ZFP28: variants seen among roughly 807,000 people sequenced by gnomAD.
ZFP28 encodes zinc finger protein 28 homolog.
In ZFP28, 31 loss-of-function variants were observed where a neutral mutation model predicts 39.5. The observed-to-expected ratio is 0.79, with a 90% CI of 0.59 to 1.06. The LOEUF (loss-of-function observed/expected upper bound fraction) is 1.06, where lower values mean the gene tolerates loss of function less well. ZFP28 is among the 50% of genes least tolerant of loss of function. ZFP28 has a pLI of 0.00. For missense variants in ZFP28, 925 were observed against 1,048.4 expected (o/e 0.88, Z 1.63); for synonymous variants, 400 against 378.6 (o/e 1.06, Z -0.66).
chr19:56,555,570 A>G lies in ZFP28; in HGVS notation c.*178A>G. ...ATTGGTTAATGTGTGAGATGTGCTC[A>G]GCACAGTGCCTGGTCCATAGTAAGT... On this transcript the variant is annotated 3_prime_UTR_variant, in exon 8 of 8. Coordinates refer to ENST00000301318, the MANE Select transcript of ZFP28 (RefSeq NM_020828.2). The G allele has an allele frequency of 1.2e-6, 1 of 858,118 alleles. No individual in the cohort carries two copies. The highest frequency in any genetic ancestry group is 1.7e-6 in the Non-Finnish European group (1 of 573,914). 53.2% of individuals were successfully genotyped at this position (858,118 alleles called of 1,614,324 possible).
intron 7 of ZFP28, chr19:56,551,229 G>A: frequency 7.1e-6 from 7 of 986,894 alleles, no homozygotes; most frequent in Non-Finnish European, 8.4e-6. Context: ...GAAGGTGGAA[G>A]TAAAGGATCT....
chr19:56,543,357 A>C (rs965389799), intron 2 of ZFP28, among the ~76,000 whole-genome samples: 1 of 144,362 alleles, frequency 6.9e-6, no homozygotes, highest in African/African-American at 2.6e-5. Context: ...TGTATATTTT[A>C]TATATATATT....
At position 56,549,026 on chromosome 19, in the gene ZFP28, C is replaced by T. The variant is rs888735121; in HGVS notation, c.592C>T (p.Gln198Ter). The T allele has an allele frequency of 6.2e-7, 1 of 1,614,082 alleles. No homozygotes were observed. Among genetic ancestry groups the T allele is most frequent in the Non-Finnish European group, 8.5e-7 (1 of 1,180,020 alleles). ...GGACTTCTGCGAAGGAAAGCTATCC[C>T]AGGCAGTGATAACAGAGAGACTCAC... The part of the protein sequence containing the change: ...KKDFCEGKLS[Q>*]AVITERLTSY... Residue 198 changes from glutamine to a stop codon, truncating the protein, a stop_gained, in exon 5 of 8, where the codon CAG becomes TAG. Transcript: ENST00000301318. LOFTEE classifies it high-confidence loss of function.
intron 4 of ZFP28, among the ~76,000 whole-genome samples, chr19:56,548,708 C>G (rs2044265523): frequency 6.6e-6 from 1 of 152,082 alleles, no homozygotes; most frequent in South Asian, 2.1e-4. Flanking sequence ...AACTCTTATT[C>G]AACTTTTAGG....
chr19:56,549,334 A>G (rs191564401), intron 5 of ZFP28, among the ~76,000 whole-genome samples: 41 of 152,368 alleles, frequency 2.7e-4, no homozygotes, highest in Admixed American at 9.1e-4. Context: ...ATGAATTACA[A>G]ACAAATCTGT....
intron 7 of ZFP28, chr19:56,551,298 G>A (rs996137961): frequency 7.8e-5 from 77 of 986,760 alleles, no homozygotes; most frequent in Non-Finnish European, 8.9e-5. Flanking sequence ...ATGGTTTGTA[G>A]AAAATGTAAT....
intron 2 of ZFP28, among the ~76,000 whole-genome samples, chr19:56,544,905 T>C (rs143087505): frequency 2.6e-4 from 39 of 152,300 alleles, no homozygotes; most frequent in African/African-American, 9.4e-4. Flanking sequence ...TAACGTTGGG[T>C]CCCTCTACGT....
rs1461985421 is a variant in ZFP28, at chr19:56,539,107, G to T, written c.89G>T (p.Gly30Val). Residue 30 changes from glycine to valine, a missense_variant, in exon 1 of 8, where the codon GGC (glycine) becomes GTC (valine). Coordinates refer to ENST00000301318, the MANE Select transcript of ZFP28 (RefSeq NM_020828.2). ...CGCACAAAGCCCCGGGCGGGCCGAGGCCCGACTGTAGGGACTCCAGCCACC... is the reference window on the plus strand; with the variant it reads ...CGCACAAAGCCCCGGGCGGGCCGAGTCCCGACTGTAGGGACTCCAGCCACC... ...APRTKPRAGR[G>V]PTVGTPATLA... 6.4e-7 allele frequency: 1 copy of T among 1,560,222 alleles called. No individual in the cohort carries two copies.
At chr19:56,553,553 G>C (rs896494400) in intron 7 of ZFP28, 131 bp from the exon 8 acceptor site, 1 of 1,245,156 alleles carries the variant, frequency 8.0e-7, no homozygotes, top group African/African-American at 1.5e-5. Context: ...AAATGTAATA[G>C]TTTTTAGAGC....
At chr19:56,539,495 C>A in intron 1 of ZFP28, 130 bp from the exon 2 acceptor site, 1 of 812,378 alleles carries the variant, frequency 1.2e-6, no homozygotes. Flanking sequence ...AAACCTATCT[C>A]CACGTTGTGG....
chr19:56,552,680 T>C (rs2044315091), intron 7 of ZFP28: 1 of 152,218 alleles, frequency 6.6e-6, no homozygotes, highest in African/African-American at 2.4e-5. Context: ...TCTTCATTTA[T>C]AGAAGCACGT....
intron 5 of ZFP28, among the ~76,000 whole-genome samples, chr19:56,549,785 G>A (rs1432202273): frequency 6.6e-6 from 1 of 152,164 alleles, no homozygotes; most frequent in Non-Finnish European, 1.5e-5. Flanking sequence ...ATATGGGAAA[G>A]CCTTCCGTCT....
In ZFP28 at chr19:56,554,632, C is replaced by T. The variant is rs2044334798; in HGVS notation, c.1847C>T (p.Pro616Leu). 6.2e-7 allele frequency: 1 copy of T among 1,613,226 alleles called. No homozygotes were observed. The highest frequency in any genetic ancestry group is 1.7e-5 in the Admixed American group (1 of 59,982). ...SHLRIHTGEK[P>L]FECAECGKSF... Reference sequence around the variant, plus strand: ...TTAAGGATTCATACTGGGGAGAAGCCTTTTGAATGTGCGGAGTGTGGAAAA... The same window carrying T: ...TTAAGGATTCATACTGGGGAGAAGCTTTTTGAATGTGCGGAGTGTGGAAAA... Residue 616 changes from proline to leucine, a missense_variant, in exon 8 of 8, where the codon CCT (proline) becomes CTT (leucine). Physicochemically the swap from Pro to Leu is moderately conservative, Grantham distance 98. Transcript: ENST00000301318. The surrounding 1 kb of genome is among the most constrained non-coding windows in gnomAD (Gnocchi z 6.7).
In ZFP28 at chr19:56,550,615, G is replaced by C. The variant is rs775717071; in HGVS notation, c.898+10G>C. ...GGAAGCCTGTTCTCAGGTGAGTGCA[G>C]GAGAGCCTGGTGTGGAAAATCTACT... On this transcript the variant is annotated intron_variant, in intron 7 of 7. Transcript: ENST00000301318. 7 of 1,613,880 alleles carry C rather than the reference G, an allele frequency of 4.3e-6. No homozygotes were observed. In the African/African-American group the frequency reaches 9.3e-5, roughly 22 times the overall value.
rs1279583907 is a variant in ZFP28 at position 56,547,465 on chromosome 19, G to A, written c.301-43G>A. 1 of 1,613,932 alleles carries A rather than the reference G, an allele frequency of 6.2e-7. No individual in the cohort carries two copies. The highest frequency in any genetic ancestry group is 1.1e-5 in the South Asian group (1 of 91,066). On this transcript the variant is annotated intron_variant, in intron 2 of 7. Transcript: ENST00000301318. This position sits in a 1 kb window ranked among gnomAD's most constrained non-coding sequence, Gnocchi z 4.6. Reference sequence around the variant, plus strand: ...ATAACAAACCCCCAGTCATGTGGGGGCATGAGCACTGGTTGAGCAAGAACA... The same window carrying A: ...ATAACAAACCCCCAGTCATGTGGGGACATGAGCACTGGTTGAGCAAGAACA...
intron 7 of ZFP28, 35 bp downstream of exon 7, chr19:56,550,640 T>A: frequency 6.2e-7 from 1 of 1,612,240 alleles, no homozygotes; most frequent in Non-Finnish European, 8.5e-7. Context: ...GAAAATCTAC[T>A]GCAAGAGAGA....
At position 56,547,995 on chromosome 19, in the gene ZFP28, C is replaced by A; in HGVS notation, c.523+93C>A. On this transcript the variant is annotated intron_variant, in intron 4 of 7. Transcript: ENST00000301318. This position sits in a 1 kb window ranked among gnomAD's most constrained non-coding sequence, Gnocchi z 4.6. The stretch of plus-strand genomic sequence containing the variant: ...ACATCTTCAGCAGACTCTTCCTAAG[C>A]CTCTTGCTTAGGAATATCTGTTATT... 8.4e-7 allele frequency: 1 copy of A among 1,195,628 alleles called. No individual in the cohort carries two copies. Among genetic ancestry groups the A allele is most frequent in the African/African-American group, 1.5e-5 (1 of 65,912 alleles). 74.1% of individuals were successfully genotyped at this position (1,195,628 alleles called of 1,614,324 possible).
chr19:56,550,577 G>A lies in ZFP28; in HGVS notation c.870G>A (p.Lys290=). ...AAGAGAAGGAGCCCTGGATGGTGAA[G>A]CGAGAGCTGACAGGAAGCCTGTTCT... ...LEQEKEPWMV[K]RELTGSLFSG... The change falls in exon 7 of 8, where the codon AAG becomes AAA. Residue 290 remains lysine (K), a synonymous_variant. Coordinates refer to ENST00000301318, the MANE Select transcript of ZFP28 (RefSeq NM_020828.2). 6.2e-7 allele frequency: 1 copy of A among 1,614,152 alleles called. No individual in the cohort carries two copies. The highest frequency in any genetic ancestry group is 1.3e-5 in the African/African-American group (1 of 75,042).
At chr19:56,551,002 G>C in intron 7 of ZFP28, 1 of 1,298,922 alleles carries the variant, frequency 7.7e-7, no homozygotes, top group Non-Finnish European at 9.8e-7. Context: ...GAGCCACTCT[G>C]CTGAGTATTG....
Sources: allele counts gnomAD v4.1 joint callset (sites outside exome capture counted in the v4.1 genomes callset), GRCh38; gene constraint gnomAD v4.1.1; non-coding constraint Gnocchi (gnomAD v3.1); transcripts MANE v1.5; gene names NCBI Gene and HGNC (gene_info 2026-07-23, HGNC 2026-07-21).